Variants in PNPLA5 observed in about 807,000 individuals in gnomAD.
PNPLA5 encodes patatin-like phospholipase domain-containing protein 5.
PNPLA5 carries 44 observed loss-of-function variants against 49.1 expected under a neutral mutation model. The observed-to-expected ratio is 0.90, with a 90% CI of 0.70 to 1.15. The LOEUF (loss-of-function observed/expected upper bound fraction) is 1.15, where lower values mean the gene tolerates loss of function less well. PNPLA5 is among the 50% of genes most tolerant of loss of function. PNPLA5 has a pLI of 0.00. For missense variants in PNPLA5, 603 were observed against 564.0 expected, an observed-to-expected ratio of 1.07 and a Z score of -0.70; for synonymous variants, 243 against 244.4, an observed-to-expected ratio of 0.99 and a Z score of 0.06.
At chr22:43,890,993 C>T in intron 2 of PNPLA5, 69 bp downstream of exon 2, 2 of 1,547,842 alleles carry the variant, frequency 1.3e-6, no homozygotes, top group East Asian at 2.4e-5. Flanking sequence ...CGGGGAAGTA[C>T]CTGGATGTCA....
chr22:43,887,712 G>A, intron 4 of PNPLA5, 61 bp from the exon 5 acceptor site: 2 of 1,559,192 alleles, frequency 1.3e-6, no homozygotes, highest in Non-Finnish European at 1.7e-6. Context: ...TCGAGTGGAT[G>A]TCACAGGCCA....
chr22:43,891,954 C>G lies in PNPLA5; in HGVS notation c.-74G>C. On this transcript the variant is annotated 5_prime_UTR_variant, in exon 1 of 9. Transcript: ENST00000216177. ...GACCCGGGATAGGGCCGGGATGCAGCCTTGGACGGGGCTGGGCCCAAATGT... is the reference window on the plus strand; with the variant it reads ...GACCCGGGATAGGGCCGGGATGCAGGCTTGGACGGGGCTGGGCCCAAATGT... 1 of 1,413,390 alleles carries G rather than the reference C, an allele frequency of 7.1e-7. No homozygotes were observed. The highest frequency in any genetic ancestry group is 1.4e-5 in the South Asian group (1 of 72,672). 87.6% of individuals were successfully genotyped at this position (1,413,390 alleles called of 1,614,324 possible). A position where few individuals can be genotyped will look rare whatever the true frequency, so the allele number is the denominator to read the frequency against.
Position 43,880,379 on chromosome 22 carries a change from C to G in PNPLA5, c.*416G>C. 1 of 398,726 alleles carries G rather than the reference C, an allele frequency of 2.5e-6. No individual in the cohort carries two copies. Among genetic ancestry groups the G allele is most frequent in the Non-Finnish European group, 4.4e-6 (1 of 226,184 alleles). The allele number at this position is 398,726 out of a possible 1,614,324, so 24.7% of individuals were successfully genotyped here. On this transcript the variant is annotated 3_prime_UTR_variant, in exon 9 of 9. Transcript: ENST00000216177. ...GACTGAGAAAGTCTGGGGGGAGCAC[C>G]CCCACCCCATCATCTCAGTTGGCTC...
In PNPLA5 at chr22:43,884,235, A is replaced by C. The variant is rs770884500; in HGVS notation, c.1060T>G (p.Tyr354Asp). 1.4e-5 allele frequency: 22 copies of C among 1,571,330 alleles called. No individual in the cohort carries two copies. The African/African-American group carries it at 2.1e-4, about 15-fold the overall frequency. Residue 354 changes from tyrosine to aspartate, a missense_variant, in exon 7 of 9, where the codon TAC (tyrosine) becomes GAC (aspartate). By Grantham distance (160) the Tyr-to-Asp change is radical (BLOSUM62 -3). Transcript: ENST00000216177. ...TACCTTCTGCTGCGGAAGTAGATGT[A>C]CTCGAAGGGCAGTGTGCAGGGTAGC... is the stretch of plus-strand genomic sequence containing the variant. ...LLLPCTLPFE[Y>D]IYFRSRRLVV...
At chr22:43,885,918 C>T (rs2049659028) in intron 6 of PNPLA5, among the ~76,000 whole-genome samples, 2 of 152,146 alleles carry the variant, frequency 1.3e-5, no homozygotes, top group African/African-American at 2.4e-5. Context: ...AATCCAGAAC[C>T]CTCTGTGTGT....
chr22:43,884,381 G>C, intron 6 of PNPLA5, 36 bp from the exon 7 acceptor site: 1 of 1,504,128 alleles, frequency 6.6e-7, no homozygotes, highest in Non-Finnish European at 8.9e-7. Flanking sequence ...CTGCCCACCT[G>C]AAGTCTGTGG....
Position 43,881,058 on chromosome 22 carries a change from C to T in PNPLA5, c.1200-173G>A, listed in dbSNP as rs1010693958. On this transcript the variant is annotated intron_variant, in intron 8 of 8. Coordinates refer to ENST00000216177, the MANE Select transcript of PNPLA5 (RefSeq NM_138814.4). The stretch of plus-strand genomic sequence containing the variant: ...CTGAGCTGGAAGTGTCAGGGAGGTC[C>T]TGGGATGGCCACTCCCCAGAGAACT... The T allele has an allele frequency of 4.0e-5, 37 of 919,624 alleles. No individual in the cohort carries two copies. In the African/African-American group the frequency reaches 6.4e-4, roughly 16 times the overall value. The allele number at this position is 919,624 out of a possible 1,614,324, so 57.0% of individuals were successfully genotyped here.
chr22:43,883,105 C>T (rs2148325539), intron 7 of PNPLA5, among the ~76,000 whole-genome samples: 1 of 152,328 alleles, frequency 6.6e-6, no homozygotes. Context: ...ACATGCTGTT[C>T]CATCTGCCGA....
At chr22:43,887,486 A>G in intron 5 of PNPLA5, 105 bp downstream of exon 5, 1 of 1,320,876 alleles carries the variant, frequency 7.6e-7, no homozygotes, top group Non-Finnish European at 1.1e-6. Context: ...GATGAGGAAG[A>G]GACTGAGTTA....
chr22:43,881,711 C>G (rs1277628436), intron 7 of PNPLA5, 37 bp from the exon 8 acceptor site: 1 of 1,604,082 alleles, frequency 6.2e-7, no homozygotes. Flanking sequence ...CCCAGGTGAG[C>G]CTGGGGTGTG....
chr22:43,882,762 T>A (rs947029212), intron 7 of PNPLA5, among the ~76,000 whole-genome samples: 2 of 152,190 alleles, frequency 1.3e-5, no homozygotes, highest in South Asian at 2.1e-4. Flanking sequence ...CTCTCCTGGG[T>A]TTGGGCCACT....
At chr22:43,889,255 G>A in intron 4 of PNPLA5, 74 bp downstream of exon 4, 1 of 1,539,658 alleles carries the variant, frequency 6.5e-7, no homozygotes, top group East Asian at 2.3e-5. Flanking sequence ...TGGGGGTTAG[G>A]AGCACACAGA....
chr22:43,886,269 CT>C, intron 6 of PNPLA5, 33 bp downstream of exon 6: 5 of 1,592,436 alleles, frequency 3.1e-6, no homozygotes, highest in Non-Finnish European at 4.3e-6. Context: ...GTGCAGGGCC[CT>C]GGTAGGTGAG....
intron 7 of PNPLA5, among the ~76,000 whole-genome samples, chr22:43,882,851 A>G (rs2049623977): frequency 6.6e-6 from 1 of 152,162 alleles, no homozygotes. Context: ...ACCATCATAG[A>G]CCTTCTTCCA....
At chr22:43,890,146 C>T (rs2049708467) in intron 2 of PNPLA5, 4 of 896,986 alleles carry the variant, frequency 4.5e-6, no homozygotes, top group Non-Finnish European at 5.3e-6. Context: ...AAGAGTGGCC[C>T]AGACTCCTTG....
intron 6 of PNPLA5, 26 bp from the exon 7 acceptor site, chr22:43,884,371 C>T (rs766696448): frequency 6.6e-7 from 1 of 1,524,498 alleles, no homozygotes; most frequent in East Asian, 2.4e-5. Context: ...TGGCATGGCC[C>T]TGCCCACCTG....
intron 8 of PNPLA5, chr22:43,881,104 CAG>C (rs1283753990): frequency 1.6e-6 from 1 of 614,586 alleles, no homozygotes; most frequent in Non-Finnish European, 2.0e-6. Flanking sequence ...CCCTGCTAAA[CAG>C]ATAACTGTCG....
intron 6 of PNPLA5, among the ~76,000 whole-genome samples, chr22:43,885,418 C>A (rs771744232): frequency 2.6e-5 from 4 of 151,692 alleles, no homozygotes; most frequent in Non-Finnish European, 4.4e-5. Flanking sequence ...CACCCCCTCC[C>A]GCCCACCTCA....
In PNPLA5 at chr22:43,891,679, G is replaced by C; in HGVS notation, c.193+9C>G. ...CCGCCCCTTTTCGCCCCCGCGGTCC[G>C]GGACTCACCGACCGACTTGCCGCAG... On this transcript the variant is annotated intron_variant, in intron 1 of 8. Transcript: ENST00000216177. 1 of 1,543,712 alleles carries C rather than the reference G, an allele frequency of 6.5e-7. No individual in the cohort carries two copies. Among genetic ancestry groups the C allele is most frequent in the Non-Finnish European group, 8.7e-7 (1 of 1,145,130 alleles).
Sources: gnomAD v4.1 joint callset for allele counts (sites outside exome capture counted in the v4.1 genomes callset) on GRCh38, gnomAD v4.1.1 for gene constraint, MANE v1.5 for transcripts, NCBI Gene and HGNC (gene_info 2026-07-23, HGNC 2026-07-21) for gene names.